CHODL: variants seen among roughly 807,000 people sequenced by gnomAD.
CHODL encodes chondrolectin.
In CHODL, 29 loss-of-function variants were observed where a neutral mutation model predicts 34.5. That is an observed-to-expected ratio of 0.84 (90% CI 0.63 to 1.15). The LOEUF (loss-of-function observed/expected upper bound fraction) is 1.15, where lower values mean the gene tolerates loss of function less well. Ranked by LOEUF, CHODL falls within the 50% of genes most tolerant of loss-of-function variation. CHODL has a pLI of 0.00. For synonymous variants in CHODL, 125 were observed against 116.1 expected (o/e 1.08, Z -0.49); for missense variants, 332 against 332.5 (o/e 1.00, Z 0.01).
rs2073598147 is a variant in CHODL at position 18,197,135 on chromosome 21, C to T, written c.-44-59374C>T. Among the ~76,000 whole-genome samples the T allele has an allele frequency of 2.0e-5, 3 of 152,100 alleles. No homozygotes were observed. The South Asian group carries it at 6.2e-4, about 32-fold the overall frequency. ...TATGTATAGTTTTATTTGTCAATTG[C>T]ACCTCAATAAAGGTGAAAATATAAA... On this transcript the variant is annotated intron_variant, in intron 2 of 6. Transcript: ENST00000400127.
At chr21:18,168,967 T>C (rs1031140497) in intron 2 of CHODL, among the ~76,000 whole-genome samples, 3 of 152,164 alleles carry the variant, frequency 2.0e-5, no homozygotes, top group African/African-American at 7.2e-5. Context: ...GTTCAACTTC[T>C]TTCTTTTACT....
chr21:17,983,385 A>T lies in CHODL; in HGVS notation c.-144-44487A>T, dbSNP rs529817699. Among the ~76,000 whole-genome samples the T allele has an allele frequency of 3.8e-4, 58 of 152,304 alleles. 3 individuals carry two copies. The South Asian group carries it at 0.011, about 29-fold the overall frequency. On this transcript the variant is annotated intron_variant, in intron 1 of 6. Transcript: ENST00000400127. ...TTGTGACCTTGGTGATTTCTTCGGG[A>T]TACAGTTCTAAAAATGGTATTTTTC...
intron 2 of CHODL, among the ~76,000 whole-genome samples, chr21:18,118,345 T>C (rs2065438149): frequency 6.6e-6 from 1 of 152,036 alleles, no homozygotes; most frequent in Non-Finnish European, 1.5e-5. Flanking sequence ...TCAAAGACAG[T>C]AGGTAATGAG....
intron 2 of CHODL, among the ~76,000 whole-genome samples, chr21:18,188,848 C>T (rs150247420): frequency 5.2e-4 from 79 of 152,202 alleles, no homozygotes; most frequent in African/African-American, 1.7e-3. Context: ...AAACGATGTG[C>T]GTGTTCAGAG....
chr21:18,051,403 C>CTTTT (rs555572070), intron 2 of CHODL, among the ~76,000 whole-genome samples: 1 of 138,572 alleles, frequency 7.2e-6, no homozygotes. Context: ...ACAGCTTTGT[C>CTTTT]TTTTTTTTTT....
chr21:18,083,561 G>A (rs2064967635), intron 2 of CHODL, among the ~76,000 whole-genome samples: 1 of 152,142 alleles, frequency 6.6e-6, no homozygotes, highest in East Asian at 1.9e-4. Context: ...GCCAGGAGGG[G>A]GGCTGTACAC....
At chr21:18,089,958 G>T (rs2065052493) in intron 2 of CHODL, among the ~76,000 whole-genome samples, 1 of 152,186 alleles carries the variant, frequency 6.6e-6, no homozygotes, top group Non-Finnish European at 1.5e-5. Context: ...AGTGAAAAAT[G>T]AGTCCTAAAA....
chr21:18,032,104 A>G (rs149633833), intron 2 of CHODL, among the ~76,000 whole-genome samples: 2 of 152,200 alleles, frequency 1.3e-5, no homozygotes, highest in East Asian at 1.9e-4. Flanking sequence ...AAAGGATAAA[A>G]CATTTAGTTA....
chr21:18,167,266 G>A (rs1361564287), intron 2 of CHODL, among the ~76,000 whole-genome samples: 3 of 140,832 alleles, frequency 2.1e-5, no homozygotes, highest in African/African-American at 7.7e-5. Flanking sequence ...TATTTTGGAA[G>A]AAGGGGCAGG....
At chr21:18,026,058 G>A (rs1440386292) in intron 1 of CHODL, among the ~76,000 whole-genome samples, 1 of 152,146 alleles carries the variant, frequency 6.6e-6, no homozygotes, top group African/African-American at 2.4e-5. Flanking sequence ...CTGTAATATA[G>A]GTTTGGTGAG....
intron 1 of CHODL, among the ~76,000 whole-genome samples, chr21:18,253,195 C>G (rs568435834): frequency 6.6e-6 from 1 of 152,070 alleles, no homozygotes; most frequent in South Asian, 2.1e-4. Flanking sequence ...TTTAATATAT[C>G]AGGGATAATG....
intron 2 of CHODL, among the ~76,000 whole-genome samples, chr21:18,235,500 G>A (rs189652103): frequency 6.6e-6 from 1 of 152,040 alleles, no homozygotes; most frequent in Non-Finnish European, 1.5e-5. Context: ...TAACTCTTTG[G>A]ATTGGCTACA....
At chr21:17,975,634 A>T (rs1046463176) in intron 1 of CHODL, among the ~76,000 whole-genome samples, 3 of 151,894 alleles carry the variant, frequency 2.0e-5, no homozygotes, top group Non-Finnish European at 2.9e-5. Context: ...TTTTAATTCG[A>T]TGTTTCTTAA....
At chr21:17,918,054 G>A (rs1383737859) in intron 1 of CHODL, among the ~76,000 whole-genome samples, 1 of 152,092 alleles carries the variant, frequency 6.6e-6, no homozygotes, top group Non-Finnish European at 1.5e-5. Context: ...GTCATAAATG[G>A]CTCCTGAAAC....
At chr21:18,033,766 C>T (rs766322540) in intron 2 of CHODL, among the ~76,000 whole-genome samples, 12 of 151,970 alleles carry the variant, frequency 7.9e-5, no homozygotes, top group Non-Finnish European at 1.6e-4. Context: ...AACATATTTA[C>T]ATGAGGGATC....
intron 1 of CHODL, among the ~76,000 whole-genome samples, chr21:18,026,818 A>G (rs926902390): frequency 2.0e-5 from 3 of 152,178 alleles, no homozygotes; most frequent in African/African-American, 7.2e-5. Flanking sequence ...TCTTAACTTC[A>G]ACTCCACATG....
chr21:18,214,541 AGAT>A (rs548430527), intron 2 of CHODL, among the ~76,000 whole-genome samples: 129 of 152,232 alleles, frequency 8.5e-4, no homozygotes, highest in African/African-American at 2.9e-3. Context: ...GTCTTCAGAG[AGAT>A]TTTTTGCCTG....
chr21:17,966,210 A>G (rs774982752), intron 1 of CHODL, among the ~76,000 whole-genome samples: 13 of 152,300 alleles, frequency 8.5e-5, no homozygotes, highest in South Asian at 8.3e-4. Context: ...GGGAATCCCA[A>G]TGAAGGTTTT....
At chr21:18,012,422 A>G (rs139131632) in intron 1 of CHODL, among the ~76,000 whole-genome samples, 2 of 152,130 alleles carry the variant, frequency 1.3e-5, no homozygotes, top group African/African-American at 2.4e-5. Context: ...ATGCATTCCT[A>G]TGAGTCTGCC....
Sources: allele counts gnomAD v4.1 joint callset (sites outside exome capture counted in the v4.1 genomes callset), GRCh38; gene constraint gnomAD v4.1.1; transcripts MANE v1.5; gene names NCBI Gene and HGNC (gene_info 2026-07-23, HGNC 2026-07-21).